CCDC7: variants seen among roughly 807,000 people sequenced by gnomAD.
CCDC7 encodes the protein coiled-coil domain containing 7.
CCDC7 carries 183 observed loss-of-function variants against 196.9 expected under a neutral mutation model. The ratio of observed to expected loss-of-function variants is 0.93; its 90% CI spans 0.82 to 1.05. CCDC7 has a LOEUF of 1.05. Ranked by LOEUF, CCDC7 falls within the 50% of genes least tolerant of loss-of-function variation. The pLI, the probability that CCDC7 is intolerant of heterozygous loss-of-function variation, is 0.00. For synonymous variants in CCDC7, 525 were observed against 484.6 expected (o/e 1.08, Z -1.10); for missense variants, 1,540 against 1,482.2 (o/e 1.04, Z -0.64).
intron 5 of CCDC7, among the ~76,000 whole-genome samples, chr10:32,469,753 T>C (rs1228177251): frequency 6.6e-6 from 1 of 151,860 alleles, no homozygotes; most frequent in Non-Finnish European, 1.5e-5. Context: ...TGGGGGTGAG[T>C]ACTATAAAAT....
At chr10:32,582,937 CTTAT>C (rs2058882289) in intron 16 of CCDC7, 93 bp from the exon 18 acceptor site, 1 of 705,978 alleles carries the variant, frequency 1.4e-6, no homozygotes, top group Non-Finnish European at 2.0e-6. Context: ...ATTATACTTA[CTTAT>C]TTAATATCCT....
chr10:32,449,829 T>C (rs1250373261), upstream of CCDC7, among the ~76,000 whole-genome samples: 1 of 152,096 alleles, frequency 6.6e-6, no homozygotes, highest in Non-Finnish European at 1.5e-5. Context: ...CTACTGCCCT[T>C]ATAAAAGAGG....
intron 3 of CCDC7, among the ~76,000 whole-genome samples, chr10:32,461,689 ATATGTG>A (rs1237054208): frequency 8.8e-5 from 5 of 56,880 alleles, no homozygotes; most frequent in South Asian, 1.0e-3. Flanking sequence ...TTCCTTACAT[ATATGTG>A]TGTGTGTGTG....
chr10:32,480,349 G>A (rs1306295848), intron 8 of CCDC7, among the ~76,000 whole-genome samples: 1 of 151,588 alleles, frequency 6.6e-6, no homozygotes, highest in Non-Finnish European at 1.5e-5. Flanking sequence ...TAGAGATAGG[G>A]TCTTGCTCTG....
intron 28 of CCDC7, among the ~76,000 whole-genome samples, chr10:32,760,777 A>G (rs2077341520): frequency 8.2e-6 from 1 of 121,804 alleles, no homozygotes; most frequent in Admixed American, 1.0e-4. Flanking sequence ...AGATATTACA[A>G]AAAAAAAGAA....
rs575316241 is a variant in CCDC7, at chr10:32,563,803, A to T, written c.1135-1755A>T. Among the ~76,000 whole-genome samples, 89 of 152,188 alleles carry T rather than the reference A, an allele frequency of 5.8e-4. 3 individuals are homozygous for T. In the South Asian group the frequency reaches 0.018, roughly 31 times the overall value. On this transcript the variant is annotated intron_variant, in intron 13 of 41. Transcript: ENST00000639629. ...ACAAAAGCCAAAATTGACAAATGGG[A>T]TCTAATTAAACTAAAGAGCTTCTGC... is the stretch of plus-strand genomic sequence containing the variant.
chr10:32,859,180 T>C (rs1280627393), intron 41 of CCDC7, among the ~76,000 whole-genome samples: 1 of 152,166 alleles, frequency 6.6e-6, no homozygotes, highest in African/African-American at 2.4e-5. Context: ...AAAGCACTCC[T>C]TAGCAAATGC....
chr10:32,461,020 G>A (rs188655447), intron 3 of CCDC7, among the ~76,000 whole-genome samples: 199 of 152,196 alleles, frequency 1.3e-3, no homozygotes, highest in African/African-American at 4.7e-3. Context: ...CTGAATGCAC[G>A]TAGTAACATT....
chr10:32,620,360 TA>T (rs375389382), intron 18 of CCDC7, among the ~76,000 whole-genome samples: 21 of 152,342 alleles, frequency 1.4e-4, no homozygotes, highest in African/African-American at 5.0e-4. Flanking sequence ...TATAGCGTGA[TA>T]ATATCATCTT....
chr10:32,473,870 G>T, intron 7 of CCDC7, 97 bp from the exon 9 acceptor site: 2 of 1,158,148 alleles, frequency 1.7e-6, no homozygotes, highest in South Asian at 2.4e-5. Context: ...TCTTTCTTCT[G>T]AATAAGTTAC....
At position 32,511,263 on chromosome 10, in the gene CCDC7, G is replaced by GGGGA. The variant is rs1554812922; in HGVS notation, c.873-6679_873-6678insAGGG. 6 of 591,180 alleles carry GGGGA rather than the reference G, an allele frequency of 1.0e-5. 1 individual carries two copies. Among genetic ancestry groups the GGGGA allele is most frequent in the African/African-American group, 2.2e-5 (1 of 45,920 alleles). 36.6% of individuals were successfully genotyped at this position (591,180 alleles called of 1,614,324 possible). On this transcript the variant is annotated intron_variant, in intron 9 of 41. Coordinates refer to ENST00000639629, the Ensembl canonical transcript of CCDC7. ...CCACAGAATTATTCTGTGGGGGGCG[G>GGGGA]GGGGGGCGGGGAAATGTACTTTTTG...
In CCDC7 at chr10:32,578,068, C is replaced by T. The variant is rs117540148; in HGVS notation, c.1455-4966C>T. 1.9e-3 allele frequency among the ~76,000 whole-genome samples: 284 copies of T among 152,228 alleles called. 1 individual carries two copies. The highest frequency in any genetic ancestry group is 0.014 in the Middle Eastern group (4 of 294). On this transcript the variant is annotated intron_variant, in intron 16 of 41. Transcript: ENST00000639629. Reference sequence around the variant, plus strand: ...TGTAATCCCATGAGTTTGAAAGATACGGCAAAATCTAAAGTTAGAACTTGT... The same window carrying T: ...TGTAATCCCATGAGTTTGAAAGATATGGCAAAATCTAAAGTTAGAACTTGT...
At chr10:32,547,589 T>A (rs1198912001) in intron 13 of CCDC7, among the ~76,000 whole-genome samples, 1 of 151,566 alleles carries the variant, frequency 6.6e-6, no homozygotes, top group Non-Finnish European at 1.5e-5. Flanking sequence ...CTTATTTTAT[T>A]AAAAAAAAAT....
At chr10:32,495,751 A>G (rs985709891) in intron 9 of CCDC7, among the ~76,000 whole-genome samples, 2 of 152,086 alleles carry the variant, frequency 1.3e-5, no homozygotes, top group Admixed American at 6.6e-5. Flanking sequence ...ATTGGTCTAT[A>G]TATCTGTTTT....
intron 32 of CCDC7, 122 bp from the exon 34 acceptor site, chr10:32,834,693 G>A (rs1179638300): frequency 4.5e-6 from 2 of 442,076 alleles, no homozygotes; most frequent in Non-Finnish European, 8.4e-6. Flanking sequence ...CTTCTTTAAT[G>A]ACTGATGCTA....
exon 1 of CCDC7, chr10:32,446,329 A>G (rs918958353): frequency 2.0e-5 from 3 of 152,288 alleles, no homozygotes; most frequent in African/African-American, 7.2e-5. Context: ...TCCTCAGGCA[A>G]ATAGTTTTTC....
intron 20 of CCDC7, among the ~76,000 whole-genome samples, chr10:32,639,629 G>GTTTT (rs552548575): frequency 1.5e-5 from 2 of 133,272 alleles, no homozygotes; most frequent in Non-Finnish European, 3.2e-5. Context: ...TTTCTGTTCT[G>GTTTT]TTTTTTTTTT....
rs989219034 is a variant in CCDC7 at position 32,689,566 on chromosome 10, A to G, written c.2344+403A>G. 3.3e-5 allele frequency among the ~76,000 whole-genome samples: 5 copies of G among 152,256 alleles called. No individual in the cohort carries two copies. The South Asian group carries it at 6.2e-4, about 19-fold the overall frequency. Reference sequence around the variant, plus strand: ...AAATGGGGATCATAATAACCTAGGGAAAGGTAACCTAGGACACCTGTTTAA... The same window carrying G: ...AAATGGGGATCATAATAACCTAGGGGAAGGTAACCTAGGACACCTGTTTAA... On this transcript the variant is annotated intron_variant, in intron 23 of 41. Coordinates refer to ENST00000639629, the Ensembl canonical transcript of CCDC7.
At chr10:32,556,623 G>A (rs1170992656) in intron 13 of CCDC7, among the ~76,000 whole-genome samples, 1 of 152,110 alleles carries the variant, frequency 6.6e-6, no homozygotes, top group Non-Finnish European at 1.5e-5. Context: ...TGTTTGTTCT[G>A]TGGTATGAGA....
Sources: gnomAD v4.1 joint callset for allele counts (sites outside exome capture counted in the v4.1 genomes callset) on GRCh38, gnomAD v4.1.1 for gene constraint, MANE v1.5 for transcripts, NCBI Gene and HGNC (gene_info 2026-07-23, HGNC 2026-07-21) for gene names.